Variants in EDA2R observed in about 807,000 individuals in gnomAD.
EDA2R encodes the protein tumor necrosis factor receptor superfamily member 27.
EDA2R carries 26 observed loss-of-function variants against 20.1 expected under a neutral mutation model. The ratio of observed to expected loss-of-function variants is 1.30; its 90% CI spans 0.95 to 1.80. The LOEUF (loss-of-function observed/expected upper bound fraction) is 1.80, where lower values mean the gene tolerates loss of function less well. Ranked by LOEUF, EDA2R falls within the 40% of genes most tolerant of loss-of-function variation. The pLI, the probability that EDA2R is intolerant of heterozygous loss-of-function variation, is 0.00. For synonymous variants in EDA2R, 114 were observed against 88.7 expected, an observed-to-expected ratio of 1.29 and a Z score of -1.60; for missense variants, 277 against 228.7, an observed-to-expected ratio of 1.21 and a Z score of -1.36.
At chrX:66,626,553 T>G (rs1933091412) in intron 1 of EDA2R, among the ~76,000 whole-genome samples, 1 of 111,045 alleles carries the variant, frequency 9.0e-6, no homozygotes, top group African/African-American at 3.3e-5. Flanking sequence ...TAATCAGTGT[T>G]TCTGAGGAAG....
intron 4 of EDA2R, among the ~76,000 whole-genome samples, chrX:66,603,328 A>G (rs746771760): frequency 8.1e-4 from 91 of 112,221 alleles, no homozygotes; most frequent in African/African-American, 2.9e-3. Flanking sequence ...GAACCCAAGT[A>G]TTAAAACATT....
chrX:66,602,469 C>T (rs966523173), intron 5 of EDA2R, among the ~76,000 whole-genome samples, 164 bp downstream of exon 5: 3 of 111,251 alleles, frequency 2.7e-5, no homozygotes, highest in African/African-American at 9.8e-5. Context: ...CCCATGCTTT[C>T]CATTGCAGCC....
intron 6 of EDA2R, 128 bp downstream of exon 6, chrX:66,599,346 G>A: frequency 1.3e-6 from 1 of 775,885 alleles, no homozygotes; most frequent in Non-Finnish European, 1.8e-6. Flanking sequence ...CACCCAAAGT[G>A]TTCCTAGCTT....
At chrX:66,630,045 C>G (rs1403919378) in intron 1 of EDA2R, among the ~76,000 whole-genome samples, 1 of 111,303 alleles carries the variant, frequency 9.0e-6, no homozygotes, top group Non-Finnish European at 1.9e-5. Flanking sequence ...CAAATACTTG[C>G]AGCCAACTGA....
chrX:66,637,325 G>C (rs989660942), intron 1 of EDA2R, among the ~76,000 whole-genome samples: 98 of 111,709 alleles, frequency 8.8e-4, no homozygotes, highest in African/African-American at 3.0e-3. Context: ...CCAGGGCCTT[G>C]TTCCCTCTCT....
intron 2 of EDA2R, among the ~76,000 whole-genome samples, chrX:66,614,454 A>G (rs1931318735): frequency 8.9e-6 from 1 of 112,356 alleles, no homozygotes; most frequent in South Asian, 3.7e-4. Flanking sequence ...TAATTTGCCC[A>G]GAGCAAAGAT....
intron 5 of EDA2R, chrX:66,600,072 G>T: frequency 8.6e-7 from 1 of 1,159,181 alleles, no homozygotes; most frequent in Non-Finnish European, 1.2e-6. Context: ...GCTGGTACTG[G>T]ATCAGAGAAA....
At chrX:66,615,637 C>G (rs766669499) in intron 2 of EDA2R, among the ~76,000 whole-genome samples, 3 of 111,381 alleles carry the variant, frequency 2.7e-5, no homozygotes, top group Non-Finnish European at 5.7e-5. Context: ...TGTGGTTGGG[C>G]CTTGCTTTAG....
Position 66,599,813 on chromosome X carries a change from G to A in EDA2R, c.565C>T (p.Leu189Phe). ...EADKTAKEES[L>F]FPVPPSKETS... ...TCCTTGCTGGGTGGCACGGGGAAGA[G>A]AGATTCCTCCTTTGCTGTTTTATCA... Residue 189 changes from leucine (L) to phenylalanine (F), a missense_variant, in exon 6 of 7, where the codon CTC becomes TTC. By Grantham distance (22) the Leu-to-Phe change is conservative. Transcript: ENST00000374719. 4.1e-6 allele frequency: 5 copies of A among 1,208,795 alleles called. No homozygotes were observed. The highest frequency in any genetic ancestry group is 5.6e-6 in the Non-Finnish European group (5 of 894,263).
intron 1 of EDA2R, among the ~76,000 whole-genome samples, chrX:66,632,033 GA>G (rs905332346): frequency 2.7e-5 from 3 of 109,709 alleles, no homozygotes; most frequent in Non-Finnish European, 5.7e-5. Context: ...ATGGAGCACT[GA>G]AAAAAAAATC....
At chrX:66,631,217 T>G (rs1346238793) in intron 1 of EDA2R, among the ~76,000 whole-genome samples, 1 of 110,218 alleles carries the variant, frequency 9.1e-6, no homozygotes, top group Admixed American at 9.6e-5. Flanking sequence ...GGGAAGGCAG[T>G]GAAGGGGGGC....
intron 6 of EDA2R, among the ~76,000 whole-genome samples, chrX:66,598,966 T>G: frequency 8.9e-6 from 1 of 111,820 alleles, no homozygotes; most frequent in Non-Finnish European, 1.9e-5. Context: ...TCTAGCCCAC[T>G]AATTTGCCCT....
intron 2 of EDA2R, among the ~76,000 whole-genome samples, chrX:66,614,455 G>A (rs988920445): frequency 2.7e-5 from 3 of 112,092 alleles, no homozygotes; most frequent in African/African-American, 9.7e-5. Flanking sequence ...AATTTGCCCA[G>A]AGCAAAGATG....
intron 1 of EDA2R, among the ~76,000 whole-genome samples, chrX:66,635,690 A>C (rs1476420939): frequency 3.6e-5 from 4 of 112,009 alleles, no homozygotes; most frequent in Non-Finnish European, 7.5e-5. Flanking sequence ...GAAAAGCCAT[A>C]CTGAACTTGG....
rs147631518 is a variant in EDA2R, at chrX:66,619,745, C to A, written c.-10-3715G>T. On this transcript the variant is annotated intron_variant, in intron 1 of 6. Coordinates refer to ENST00000374719, the MANE Select transcript of EDA2R (RefSeq NM_021783.5). ...ATACTTCCTCCAACTTCCCAACTTGCCCAGAGAATATCTGATCTGTGTAAC... is the reference window on the plus strand; with the variant it reads ...ATACTTCCTCCAACTTCCCAACTTGACCAGAGAATATCTGATCTGTGTAAC... 4.3e-3 allele frequency among the ~76,000 whole-genome samples: 480 copies of A among 111,425 alleles called. 2 individuals are homozygous for A. Among genetic ancestry groups the A allele is most frequent in the African/African-American group, 0.015 (462 of 30,646 alleles).
chrX:66,602,815 G>T lies in EDA2R; in HGVS notation c.353-18C>A. On this transcript the variant is annotated intron_variant, in intron 4 of 6. Coordinates refer to ENST00000374719, the MANE Select transcript of EDA2R (RefSeq NM_021783.5). ...GAAGGCACCTGTGAGACAAAAAAAT[G>T]GGGGAGGTCAGTTAGCATGGGCAGT... The T allele has an allele frequency of 8.6e-7, 1 of 1,165,432 alleles. No homozygotes were observed.
In EDA2R at chrX:66,605,849, G is replaced by GT. The variant is rs1344400555; in HGVS notation, c.88-624dup. 3.6e-5 allele frequency among the ~76,000 whole-genome samples: 4 copies of GT among 112,284 alleles called. No individual in the cohort carries two copies. The Admixed American group carries it at 3.8e-4, about 11-fold the overall frequency. ...CATAAGCACTACCCACATAAGTACTGTTTTATAAAAGTTTTACAGATAAAA... is the reference window on the plus strand; with the variant it reads ...CATAAGCACTACCCACATAAGTACTGTTTTTATAAAAGTTTTACAGATAAAA... On this transcript the variant is annotated intron_variant, in intron 2 of 6. Transcript: ENST00000374719.
chrX:66,615,728 T>C (rs1034465867), intron 2 of EDA2R, among the ~76,000 whole-genome samples: 2 of 111,658 alleles, frequency 1.8e-5, no homozygotes, highest in African/African-American at 6.5e-5. Context: ...TGTTATCTCA[T>C]GGAAACTTCC....
In EDA2R at chrX:66,604,489, C is replaced by T. The variant is rs192316556; in HGVS notation, c.284G>A (p.Arg95His). 3.0e-5 allele frequency: 36 copies of T among 1,206,332 alleles called. No individual in the cohort carries two copies. Among genetic ancestry groups the T allele is most frequent in the African/African-American group, 7.0e-5 (4 of 57,039 alleles). ...CTCTTGGTCCTGCAGGCCTCCAATGCGTGTCTTTCGGTAGAACCTGTGTTC... is the reference window on the plus strand; with the variant it reads ...CTCTTGGTCCTGCAGGCCTCCAATGTGTGTCTTTCGGTAGAACCTGTGTTC... ...DCLPRFYRKT[R>H]IGGLQDQECI... The change falls in exon 4 of 7, where the codon CGC becomes CAC. Residue 95 changes from arginine to histidine, a missense_variant. Arg to His is a conservative substitution (Grantham distance 29). Coordinates refer to ENST00000374719, the MANE Select transcript of EDA2R (RefSeq NM_021783.5).
Sources: allele counts gnomAD v4.1 joint callset (sites outside exome capture counted in the v4.1 genomes callset), GRCh38; gene constraint gnomAD v4.1.1; transcripts MANE v1.5; gene names NCBI Gene and HGNC (gene_info 2026-07-23, HGNC 2026-07-21).